TENM2: variants seen among roughly 807,000 people sequenced by gnomAD.
TENM2 encodes the protein teneurin transmembrane protein 2.
In TENM2, 52 loss-of-function variants were observed where a neutral mutation model predicts 245.2. The ratio of observed to expected loss-of-function variants is 0.21; its 90% CI spans 0.17 to 0.27. TENM2 has a LOEUF of 0.27. TENM2 is among the 10% of genes least tolerant of loss of function. The pLI is 1.00. For synonymous variants in TENM2, 1,363 were observed against 1,438.9 expected, an observed-to-expected ratio of 0.95 and a Z score of 1.19; for missense variants, 3,046 against 3,666.8, an observed-to-expected ratio of 0.83 and a Z score of 4.37.
At chr5:167,016,705 CAT>C in the TENM2 span, among the ~76,000 whole-genome samples, 1 of 152,208 alleles carries the variant, frequency 6.6e-6, no homozygotes, top group African/African-American at 2.4e-5. Context: ...CACAGAAACA[CAT>C]ATGCTAGTTT....
chr5:167,735,906 A>G (rs1760763851), intron 2 of TENM2, among the ~76,000 whole-genome samples: 1 of 152,250 alleles, frequency 6.6e-6, no homozygotes, highest in East Asian at 1.9e-4. Flanking sequence ...AGTGCCATAC[A>G]GCAGTGAGGT....
At chr5:167,755,205 G>T (rs1264300580) in intron 2 of TENM2, 2 of 1,592,596 alleles carry the variant, frequency 1.3e-6, no homozygotes, top group South Asian at 2.2e-5. Context: ...AAGGATGATG[G>T]ATGTGCATGC....
At chr5:168,195,552 G>T (rs556505359) in intron 15 of TENM2, among the ~76,000 whole-genome samples, 1 of 3,184 alleles carries the variant, frequency 3.1e-4, no homozygotes, top group Non-Finnish European at 4.4e-4. Flanking sequence ...GTCAATGCAC[G>T]TGTGTGTGTG....
intron 5 of TENM2, among the ~76,000 whole-genome samples, chr5:168,023,372 T>C (rs1316079366): frequency 6.6e-6 from 1 of 151,690 alleles, no homozygotes; most frequent in East Asian, 1.9e-4. Flanking sequence ...AAAGCCCGAG[T>C]GTGATGGGAA....
intron 2 of TENM2, among the ~76,000 whole-genome samples, chr5:167,721,778 G>A (rs1759649397): frequency 6.6e-6 from 1 of 152,118 alleles, no homozygotes; most frequent in Non-Finnish European, 1.5e-5. Context: ...CCAAGTCCTA[G>A]GCATTAGGAC....
chr5:167,253,116 A>G, the TENM2 span, among the ~76,000 whole-genome samples: 1 of 151,912 alleles, frequency 6.6e-6, no homozygotes. Flanking sequence ...TTTTTGAGAC[A>G]GGGTTCACTC....
chr5:167,353,504 T>TTG lies in TENM2; in HGVS notation c.227-21693_227-21692insGT, dbSNP rs1554138247. Among the ~76,000 whole-genome samples, 461 of 100,400 alleles carry TTG rather than the reference T, an allele frequency of 4.6e-3. 3 individuals carry two copies. Among genetic ancestry groups the TTG allele is most frequent in the African/African-American group, 0.02 (418 of 21,228 alleles). 65.9% of individuals were successfully genotyped at this position (100,400 alleles called of 152,430 possible). On this transcript the variant is annotated intron_variant, in intron 1 of 28. Coordinates refer to ENST00000518659, the Ensembl canonical transcript of TENM2. ...GTGTTTTTTGTTGTTGTTGTTGTTTTTTTTTTTTTTTTTTTTTTTTTGAGA... is the reference window on the plus strand; with the variant it reads ...GTGTTTTTTGTTGTTGTTGTTGTTTTTGTTTTTTTTTTTTTTTTTTTTTGAGA...
chr5:167,654,266 A>C (rs1438212680), intron 2 of TENM2, among the ~76,000 whole-genome samples: 2 of 152,112 alleles, frequency 1.3e-5, no homozygotes, highest in African/African-American at 4.8e-5. Flanking sequence ...TGAATGGACA[A>C]AAATTTCTCT....
At chr5:167,127,917 A>G in the TENM2 span, among the ~76,000 whole-genome samples, 1 of 152,160 alleles carries the variant, frequency 6.6e-6, no homozygotes, top group Non-Finnish European at 1.5e-5. Flanking sequence ...AAACACTAAT[A>G]GGACCACAGA....
At chr5:167,443,823 A>C (rs114695311) in intron 2 of TENM2, among the ~76,000 whole-genome samples, 1,544 of 152,276 alleles carry the variant, frequency 0.01, 14 homozygotes, top group Non-Finnish European at 0.016. Flanking sequence ...CTTATTTTAC[A>C]CAGTAACTCT....
At chr5:167,894,964 AGG>A (rs1317429902) in intron 3 of TENM2, among the ~76,000 whole-genome samples, 1 of 126,368 alleles carries the variant, frequency 7.9e-6, no homozygotes, top group Non-Finnish European at 1.7e-5. Context: ...GAAGGAAGGA[AGG>A]AAGGAAGGAA....
intron 2 of TENM2, among the ~76,000 whole-genome samples, chr5:167,837,862 T>C (rs1325967913): frequency 6.6e-6 from 1 of 152,030 alleles, no homozygotes; most frequent in Non-Finnish European, 1.5e-5. Context: ...TGCATCTTAG[T>C]GCATCTACTT....
At chr5:168,164,568 G>T (rs745805935) in intron 13 of TENM2, among the ~76,000 whole-genome samples, 2 of 152,066 alleles carry the variant, frequency 1.3e-5, no homozygotes, top group African/African-American at 4.8e-5. Context: ...GCCCTTTACA[G>T]GAGAAGTTTT....
chr5:167,628,951 G>A (rs1303844685), intron 2 of TENM2, among the ~76,000 whole-genome samples: 1 of 152,036 alleles, frequency 6.6e-6, no homozygotes, highest in Admixed American at 6.6e-5. Flanking sequence ...TGTCCCTTTG[G>A]CCACAGTCAA....
At chr5:167,229,549 C>T in the TENM2 span, among the ~76,000 whole-genome samples, 112 of 152,282 alleles carry the variant, frequency 7.4e-4, no homozygotes, top group African/African-American at 2.5e-3. Flanking sequence ...GGCTGGTTTC[C>T]AGACCTGCAG....
chr5:167,634,544 A>C (rs1423410773), intron 2 of TENM2, among the ~76,000 whole-genome samples: 1 of 150,788 alleles, frequency 6.6e-6, no homozygotes, highest in East Asian at 1.9e-4. Flanking sequence ...TCATTCAACT[A>C]CTTAGATGCA....
the TENM2 span, among the ~76,000 whole-genome samples, chr5:167,118,841 C>T: frequency 7.9e-5 from 12 of 152,264 alleles, no homozygotes; most frequent in East Asian, 1.2e-3. Context: ...AGTGAGTCCT[C>T]GTCCATCCCC....
intron 1 of TENM2, among the ~76,000 whole-genome samples, chr5:167,294,024 T>C (rs76470598): frequency 9.1e-4 from 138 of 151,258 alleles, no homozygotes; most frequent in African/African-American, 3.2e-3. Context: ...GTGTGTGTTT[T>C]ATCCCTGCCA....
chr5:167,175,190 C>A, the TENM2 span, among the ~76,000 whole-genome samples: 1 of 152,100 alleles, frequency 6.6e-6, no homozygotes, highest in African/African-American at 2.4e-5. Context: ...AACTGAATGT[C>A]TTTGTCCTTT....
Sources: gnomAD v4.1 joint callset for allele counts (sites outside exome capture counted in the v4.1 genomes callset) on GRCh38, gnomAD v4.1.1 for gene constraint, MANE v1.5 for transcripts, NCBI Gene and HGNC (gene_info 2026-07-23, HGNC 2026-07-21) for gene names.